The following POFUT3 variants were observed in gnomAD, a reference collection of about 807,000 sequenced individuals.
POFUT3 encodes the protein GDP-fucose protein O-fucosyltransferase 3.
chr8:33,346,052 CA>C, the POFUT3 span, among the ~76,000 whole-genome samples: 2 of 151,232 alleles, frequency 1.3e-5, no homozygotes, highest in Non-Finnish European at 2.9e-5. Flanking sequence ...CTTGAACGCC[CA>C]TCTTCAGGTG....
the POFUT3 span, chr8:33,436,768 G>A: frequency 1.3e-3 from 683 of 540,278 alleles, 2 homozygotes; most frequent in African/African-American, 0.01. Context: ...CTGACAAAAC[G>A]CTAAAATAGC....
At chr8:33,312,252 A>G in the POFUT3 span, among the ~76,000 whole-genome samples, 1 of 131,830 alleles carries the variant, frequency 7.6e-6, no homozygotes, top group Non-Finnish European at 1.6e-5. Context: ...ACAGAGCAAG[A>G]CTCCGTCTCA....
the POFUT3 span, among the ~76,000 whole-genome samples, chr8:33,338,081 CATATT>C: frequency 6.6e-6 from 1 of 152,182 alleles, no homozygotes; most frequent in Non-Finnish European, 1.5e-5. Flanking sequence ...TATAAAGACA[CATATT>C]AGATTAGGGC....
the POFUT3 span, among the ~76,000 whole-genome samples, chr8:33,308,831 C>G: frequency 6.6e-6 from 1 of 151,958 alleles, no homozygotes; most frequent in Non-Finnish European, 1.5e-5. Flanking sequence ...CAGACTCCAC[C>G]GAAGCTTCAT....
the POFUT3 span, among the ~76,000 whole-genome samples, chr8:33,348,165 T>G: frequency 7.9e-6 from 1 of 125,990 alleles, no homozygotes; most frequent in East Asian, 2.8e-4. Context: ...AGCAAGACTC[T>G]GCCTCAAAAA....
the POFUT3 span, among the ~76,000 whole-genome samples, chr8:33,411,523 T>C: frequency 6.6e-6 from 1 of 152,244 alleles, no homozygotes; most frequent in African/African-American, 2.4e-5. Context: ...GCGCCATGGC[T>C]CATGCCTGTA....
At chr8:33,375,150 C>T in the POFUT3 span, among the ~76,000 whole-genome samples, 1 of 151,992 alleles carries the variant, frequency 6.6e-6, no homozygotes, top group East Asian at 1.9e-4. Flanking sequence ...CCTCAGCCTC[C>T]CAAAGTGCTG....
chr8:33,322,481 A>G, the POFUT3 span, among the ~76,000 whole-genome samples: 1 of 152,128 alleles, frequency 6.6e-6, no homozygotes, highest in Non-Finnish European at 1.5e-5. Flanking sequence ...GGAAGGATTG[A>G]TGACTCTGAT....
chr8:33,362,935 C>A, the POFUT3 span, among the ~76,000 whole-genome samples: 1 of 152,194 alleles, frequency 6.6e-6, no homozygotes, highest in Non-Finnish European at 1.5e-5. Flanking sequence ...TAGACATCAA[C>A]AGAAATCTCC....
At chr8:33,329,684 G>A in the POFUT3 span, among the ~76,000 whole-genome samples, 3 of 152,154 alleles carry the variant, frequency 2.0e-5, no homozygotes, top group Non-Finnish European at 4.4e-5. Flanking sequence ...TTAAGTAAAT[G>A]TGGACAGCCA....
the POFUT3 span, among the ~76,000 whole-genome samples, chr8:33,424,144 A>G: frequency 9.2e-5 from 14 of 152,036 alleles, no homozygotes; most frequent in Non-Finnish European, 2.1e-4. Flanking sequence ...ATTTCAAAAA[A>G]AAAAAAATAT....
chr8:33,311,996 G>A, the POFUT3 span, among the ~76,000 whole-genome samples: 3 of 152,030 alleles, frequency 2.0e-5, no homozygotes, highest in African/African-American at 7.2e-5. Flanking sequence ...GCCAGGCATG[G>A]TCACACTCGT....
At chr8:33,458,113 A>G in the POFUT3 span, among the ~76,000 whole-genome samples, 8 of 152,120 alleles carry the variant, frequency 5.3e-5, no homozygotes, top group Admixed American at 2.0e-4. Flanking sequence ...GTCCTTATAA[A>G]AAGGGGAAAT....
At chr8:33,432,175 C>G in the POFUT3 span, among the ~76,000 whole-genome samples, 1 of 151,804 alleles carries the variant, frequency 6.6e-6, no homozygotes, top group Non-Finnish European at 1.5e-5. Context: ...TTTGGGAGGC[C>G]GAGGTGGGCA....
the POFUT3 span, among the ~76,000 whole-genome samples, chr8:33,327,077 C>T: frequency 6.6e-6 from 1 of 152,214 alleles, no homozygotes; most frequent in East Asian, 1.9e-4. Flanking sequence ...TGCGCCCACT[C>T]CTGCCCTACC....
the POFUT3 span, among the ~76,000 whole-genome samples, chr8:33,397,880 G>A: frequency 6.6e-6 from 1 of 152,114 alleles, no homozygotes; most frequent in Non-Finnish European, 1.5e-5. Flanking sequence ...CAACATATCT[G>A]GAGACAGAAG....
chr8:33,364,223 C>A, the POFUT3 span, among the ~76,000 whole-genome samples: 6 of 152,100 alleles, frequency 3.9e-5, no homozygotes, highest in Non-Finnish European at 5.9e-5. Context: ...ATTCAACAGC[C>A]CTTCATGCTA....
the POFUT3 span, chr8:33,453,216 C>T: frequency 2.5e-6 from 4 of 1,613,726 alleles, no homozygotes; most frequent in Non-Finnish European, 3.4e-6. Flanking sequence ...TCCTGCTTAC[C>T]ATAGAAGAGG....
chr8:33,347,257 C>T, the POFUT3 span, among the ~76,000 whole-genome samples: 14 of 152,178 alleles, frequency 9.2e-5, no homozygotes, highest in Admixed American at 9.2e-4. Context: ...AAAAAGCCTG[C>T]ACTGTTTGGT....
Sources: allele counts gnomAD v4.1 joint callset (sites outside exome capture counted in the v4.1 genomes callset), GRCh38; gene constraint gnomAD v4.1.1; transcripts MANE v1.5; gene names NCBI Gene and HGNC (gene_info 2026-07-23, HGNC 2026-07-21).